The following PTGER2 variants were observed in gnomAD, a reference collection of about 807,000 sequenced individuals.
The protein encoded by PTGER2 is prostaglandin E2 receptor EP2 subtype.
Under a neutral mutation model 26.2 loss-of-function variants are expected in PTGER2, and 22 were observed. The ratio of observed to expected loss-of-function variants is 0.84; its 90% confidence interval spans 0.60 to 1.20. The LOEUF (loss-of-function observed/expected upper bound fraction) is 1.20, where lower values mean the gene tolerates loss of function less well. PTGER2 is among the 50% of genes most tolerant of loss of function. The probability of loss-of-function intolerance (pLI) is 0.00; values close to 1 mark genes in which losing one functional copy is unlikely to be tolerated. For synonymous variants in PTGER2, 219 were observed against 208.9 expected, an observed-to-expected ratio of 1.05 and a Z score of -0.42; for missense variants, 458 against 475.2, an observed-to-expected ratio of 0.96 and a Z score of 0.34.
chr14:52,327,492 G>A lies in PTGER2; in HGVS notation c.*38G>A, dbSNP rs2033964024. ...AAAAGTTCTTAGTTATATAGCATCT[G>A]GAAGATCATTTTGAAATTGTTCCTT... On this transcript the variant is annotated 3_prime_UTR_variant, in exon 2 of 2. Transcript: ENST00000245457. 1 of 1,447,576 alleles carries A rather than the reference G, an allele frequency of 6.9e-7. No homozygotes were observed. The highest frequency in any genetic ancestry group is 2.0e-5 in the Admixed American group (1 of 50,704). The allele number at this position is 1,447,576 out of a possible 1,614,324, so 89.7% of individuals were successfully genotyped here.
intron 1 of PTGER2, among the ~76,000 whole-genome samples, chr14:52,321,500 C>T (rs1566496331): frequency 1.3e-5 from 2 of 152,136 alleles, no homozygotes; most frequent in South Asian, 4.1e-4. Flanking sequence ...AGAGAAATCT[C>T]CTCCAAACCC....
At chr14:52,316,424 G>C (rs1318687294) in intron 1 of PTGER2, among the ~76,000 whole-genome samples, 2 of 152,168 alleles carry the variant, frequency 1.3e-5, no homozygotes, top group African/African-American at 2.4e-5. Context: ...GGCCTCTTAC[G>C]GGGGCTAGGA....
intron 1 of PTGER2, among the ~76,000 whole-genome samples, chr14:52,325,324 T>G (rs1355163648): frequency 6.6e-6 from 1 of 152,232 alleles, no homozygotes; most frequent in African/African-American, 2.4e-5. Context: ...GGAACTCTGA[T>G]GTGGGTTATT....
At chr14:52,318,919 T>C (rs2033868133) in intron 1 of PTGER2, among the ~76,000 whole-genome samples, 1 of 152,188 alleles carries the variant, frequency 6.6e-6, no homozygotes, top group Admixed American at 6.5e-5. Context: ...ATTAACCCAT[T>C]ATCTTCACAG....
chr14:52,314,740 C>G lies in PTGER2; in HGVS notation c.192C>G (p.Leu64=). ...VGCSAGRRSS[L]SLFHVLVTEL... Reference sequence around the variant, plus strand: ...GCAGCGCCGGCCGCAGGAGCTCCCTCTCCTTGTTCCACGTGCTGGTGACCG... The same window carrying G: ...GCAGCGCCGGCCGCAGGAGCTCCCTGTCCTTGTTCCACGTGCTGGTGACCG... Residue 64 remains leucine (L), a synonymous_variant, in exon 1 of 2, where the codon CTC becomes CTG. Coordinates refer to ENST00000245457, the MANE Select transcript of PTGER2 (RefSeq NM_000956.4). This position sits in a 1 kb window ranked among gnomAD's most constrained non-coding sequence, Gnocchi z 5.7. The G allele has an allele frequency of 6.3e-7, 1 of 1,596,162 alleles. No homozygotes were observed.
Position 52,314,734 on chromosome 14 carries a change from C to A in PTGER2, c.186C>A (p.Ser62Arg), listed in dbSNP as rs778360865. Residue 62 changes from serine to arginine, a missense_variant, in exon 1 of 2, where the codon AGC becomes AGA. Coordinates refer to ENST00000245457, the MANE Select transcript of PTGER2 (RefSeq NM_000956.4). This position sits in a 1 kb window ranked among gnomAD's most constrained non-coding sequence, Gnocchi z 5.7. ...GDVGCSAGRR[S>R]SLSLFHVLVT... is the part of the protein sequence containing the mutation. ...TGGGGTGCAGCGCCGGCCGCAGGAG[C>A]TCCCTCTCCTTGTTCCACGTGCTGG... The A allele has an allele frequency of 3.8e-6, 6 of 1,589,722 alleles. No homozygotes were observed. The highest frequency in any genetic ancestry group is 5.2e-6 in the Non-Finnish European group (6 of 1,163,544).
intron 1 of PTGER2, among the ~76,000 whole-genome samples, chr14:52,326,267 C>T (rs17125344): frequency 0.18 from 26,893 of 152,114 alleles, 2,885 homozygotes; most frequent in South Asian, 0.46. Flanking sequence ...CAGGCCTGCA[C>T]GTAGCACACA....
chr14:52,317,103 T>C (rs908292774), intron 1 of PTGER2, among the ~76,000 whole-genome samples: 1 of 152,224 alleles, frequency 6.6e-6, no homozygotes, highest in Non-Finnish European at 1.5e-5. Context: ...TGCATTCAGC[T>C]TGGGGATCAG....
rs962812912 is a variant in PTGER2 at position 52,315,020 on chromosome 14, C to T, written c.472C>T (p.Pro158Ser). Residue 158 changes from proline to serine, a missense_variant, in exon 1 of 2, where the codon CCT (proline) becomes TCT (serine). Transcript: ENST00000245457. ...VSRSGGLAVLPVIYAVSLLFC... is the reference protein window; with the variant it reads ...VSRSGGLAVLSVIYAVSLLFC... ...GCGCTCCGGGGGCCTGGCCGTGCTG[C>T]CTGTCATCTATGCAGTCTCCCTGCT... The T allele has an allele frequency of 5.6e-6, 9 of 1,613,302 alleles. No individual in the cohort carries two copies. Among genetic ancestry groups the T allele is most frequent in the Non-Finnish European group, 7.6e-6 (9 of 1,180,034 alleles).
At chr14:52,322,072 CTAAT>C (rs2033901424) in intron 1 of PTGER2, among the ~76,000 whole-genome samples, 1 of 152,204 alleles carries the variant, frequency 6.6e-6, no homozygotes, top group Admixed American at 6.5e-5. Context: ...TCAGCCTAGA[CTAAT>C]TAAGTTGGAG....
intron 1 of PTGER2, among the ~76,000 whole-genome samples, chr14:52,320,361 A>G (rs2140037041): frequency 6.6e-6 from 1 of 152,310 alleles, no homozygotes; most frequent in Middle Eastern, 3.4e-3. Flanking sequence ...TCTTTTCCCA[A>G]AAGAGAATTT....
At position 52,315,319 on chromosome 14, in the gene PTGER2, G is replaced by C. The variant is rs61757786; in HGVS notation, c.771G>C (p.Ala257=). Residue 257 remains alanine (A), a synonymous_variant, in exon 1 of 2, where the codon GCG becomes GCC. Transcript: ENST00000245457. ...ARRRGERVSM[A]EETDHLILLA... is the part of the protein sequence containing the mutation. ...GGAGAGGGGAAAGGGTGTCCATGGC[G>C]GAGGAGACGGACCACCTCATTCTCC... 12 of 1,613,570 alleles carry C rather than the reference G, an allele frequency of 7.4e-6. No homozygotes were observed. Among genetic ancestry groups the C allele is most frequent in the Non-Finnish European group, 1.0e-5 (12 of 1,179,950 alleles).
chr14:52,322,292 G>A (rs1326964397), intron 1 of PTGER2, among the ~76,000 whole-genome samples: 3 of 152,152 alleles, frequency 2.0e-5, no homozygotes, highest in East Asian at 3.8e-4. Context: ...ATTTCAAAAG[G>A]GGAGGGGGTG....
At chr14:52,323,644 A>T (rs1292452540) in intron 1 of PTGER2, among the ~76,000 whole-genome samples, 1 of 152,232 alleles carries the variant, frequency 6.6e-6, no homozygotes, top group African/African-American at 2.4e-5. Context: ...TAATTGCATT[A>T]AAGATAGAAA....
rs907738442 is a variant in PTGER2 at position 52,314,377 on chromosome 14, G to A, written c.-172G>A. On this transcript the variant is annotated 5_prime_UTR_variant, in exon 1 of 2. Coordinates refer to ENST00000245457, the MANE Select transcript of PTGER2 (RefSeq NM_000956.4). The surrounding 1 kb of genome is among the most constrained non-coding windows in gnomAD (Gnocchi z 5.7). ...CAGCCGAGCCGCCACTCGGCGCGCGGCGGGAGACCCAGGGCAAGCCGCCGT... is the reference window on the plus strand; with the variant it reads ...CAGCCGAGCCGCCACTCGGCGCGCGACGGGAGACCCAGGGCAAGCCGCCGT... 1 of 732,394 alleles carries A rather than the reference G, an allele frequency of 1.4e-6. No homozygotes were observed. The highest frequency in any genetic ancestry group is 1.9e-6 in the Non-Finnish European group (1 of 531,860). 45.4% of individuals were successfully genotyped at this position (732,394 alleles called of 1,614,324 possible).
chr14:52,320,813 A>G (rs1446183040), intron 1 of PTGER2, among the ~76,000 whole-genome samples: 1 of 152,200 alleles, frequency 6.6e-6, no homozygotes, highest in Non-Finnish European at 1.5e-5. Context: ...TGGGACATAC[A>G]TGTGATGGAA....
Position 52,314,466 on chromosome 14 carries a change from C to A in PTGER2, c.-83C>A. 7.6e-7 allele frequency: 1 copy of A among 1,323,674 alleles called. No homozygotes were observed. The highest frequency in any genetic ancestry group is 9.8e-7 in the Non-Finnish European group (1 of 1,022,906). The allele number at this position is 1,323,674 out of a possible 1,614,324, so 82.0% of individuals were successfully genotyped here. On this transcript the variant is annotated 5_prime_UTR_variant, in exon 1 of 2. Coordinates refer to ENST00000245457, the MANE Select transcript of PTGER2 (RefSeq NM_000956.4). This position sits in a 1 kb window ranked among gnomAD's most constrained non-coding sequence, Gnocchi z 5.7. ...TCCCTCCCCTTTTTCCTCTGAGTCT[C>A]GGAACGCTCCGGCTCTCAGACCCTC...
At chr14:52,324,406 G>A (rs2033927936) in intron 1 of PTGER2, among the ~76,000 whole-genome samples, 1 of 152,318 alleles carries the variant, frequency 6.6e-6, no homozygotes, top group Non-Finnish European at 1.5e-5. Flanking sequence ...ACCTGGCATT[G>A]GAATGATAAA....
intron 1 of PTGER2, among the ~76,000 whole-genome samples, chr14:52,321,180 C>G (rs2033891216): frequency 6.6e-6 from 1 of 152,300 alleles, no homozygotes; most frequent in South Asian, 2.1e-4. Flanking sequence ...TTCTGTTTCC[C>G]TCTACCACAA....
Sources: gnomAD v4.1 joint callset for allele counts (sites outside exome capture counted in the v4.1 genomes callset) on GRCh38, gnomAD v4.1.1 for gene constraint, Gnocchi (gnomAD v3.1) non-coding constraint, MANE v1.5 for transcripts, NCBI Gene and HGNC (gene_info 2026-07-23, HGNC 2026-07-21) for gene names.